AOAH: variants seen among roughly 807,000 people sequenced by gnomAD.
AOAH encodes acyloxyacyl hydrolase (neutrophil).
A neutral mutation model predicts 92.2 loss-of-function variants in AOAH; 64 were observed. The ratio of observed to expected loss-of-function variants is 0.69; its 90% CI spans 0.57 to 0.86. The LOEUF (loss-of-function observed/expected upper bound fraction) is 0.86, where lower values mean the gene tolerates loss of function less well. AOAH is among the 40% of genes least tolerant of loss of function. The pLI is 0.00. For synonymous variants in AOAH, 263 were observed against 254.5 expected (o/e 1.03, Z -0.32); for missense variants, 656 against 694.6 (o/e 0.94, Z 0.62).
chr7:36,594,223 G>A, intron 12 of AOAH, 116 bp downstream of exon 12: 1 of 803,532 alleles, frequency 1.2e-6, no homozygotes, highest in Non-Finnish European at 2.1e-6. Flanking sequence ...TCAAATTCAT[G>A]TTCTAGAAGC....
intron 11 of AOAH, among the ~76,000 whole-genome samples, chr7:36,605,508 C>T (rs1369771716): frequency 6.6e-6 from 1 of 152,212 alleles, no homozygotes; most frequent in Non-Finnish European, 1.5e-5. Flanking sequence ...CATTGACTGA[C>T]TCACACTGCC....
At chr7:36,561,862 C>A (rs1446452474) in intron 13 of AOAH, among the ~76,000 whole-genome samples, 1 of 152,108 alleles carries the variant, frequency 6.6e-6, no homozygotes, top group Admixed American at 6.5e-5. Context: ...GCCACATGAG[C>A]ATCCCTTCCT....
intron 13 of AOAH, among the ~76,000 whole-genome samples, chr7:36,550,603 A>G (rs1389089906): frequency 6.6e-6 from 1 of 152,148 alleles, no homozygotes; most frequent in Non-Finnish European, 1.5e-5. Flanking sequence ...CTTCCTGTGG[A>G]CAGTGCTCCT....
intron 15 of AOAH, among the ~76,000 whole-genome samples, chr7:36,545,023 T>A (rs1006348331): frequency 6.6e-6 from 1 of 151,846 alleles, no homozygotes; most frequent in East Asian, 1.9e-4. Flanking sequence ...ATTGTTGGGC[T>A]CCCATCCAAT....
chr7:36,653,722 T>TGATTCTCTTGTAA (rs1274440651), intron 4 of AOAH, among the ~76,000 whole-genome samples: 1 of 152,234 alleles, frequency 6.6e-6, no homozygotes, highest in Non-Finnish European at 1.5e-5. Flanking sequence ...ATTCTGAATA[T>TGATTCTCTTGTAA]GATTCTCTTT....
At chr7:36,621,578 T>C (rs1583965895) in intron 8 of AOAH, 132 bp downstream of exon 8, 1 of 894,106 alleles carries the variant, frequency 1.1e-6, no homozygotes, top group South Asian at 1.5e-5. Context: ...TCACTGAGCT[T>C]TACTTCAATC....
chr7:36,569,428 C>T (rs1373183290), intron 13 of AOAH, among the ~76,000 whole-genome samples: 1 of 152,004 alleles, frequency 6.6e-6, no homozygotes, highest in African/African-American at 2.4e-5. Context: ...GTCTTGTTTA[C>T]TTTAGAGGTA....
chr7:36,550,997 AT>A, intron 13 of AOAH, among the ~76,000 whole-genome samples: 1 of 151,874 alleles, frequency 6.6e-6, no homozygotes, highest in Admixed American at 6.6e-5. Context: ...CTCTTGGTTG[AT>A]TCAGGAAATG....
At chr7:36,666,174 G>A (rs13244161) in intron 3 of AOAH, among the ~76,000 whole-genome samples, 27,519 of 151,918 alleles carry the variant, frequency 0.18, 2,878 homozygotes, top group Non-Finnish European at 0.24. Flanking sequence ...ATCTATCAGG[G>A]CTTCGTGTTT....
At chr7:36,590,617 A>C (rs1202906260) in intron 12 of AOAH, among the ~76,000 whole-genome samples, 1 of 152,258 alleles carries the variant, frequency 6.6e-6, no homozygotes, top group African/African-American at 2.4e-5. Context: ...TGATGCTTTC[A>C]CAAGGCACAT....
In AOAH at chr7:36,527,683, A is replaced by G. The variant is rs1002103588; in HGVS notation, c.1522+2735T>C. On this transcript the variant is annotated intron_variant, in intron 19 of 20. Transcript: ENST00000617537. ...TACGTGGGTTAGTTATTTCTATCCT[A>G]CATACAAGGAAACAAAGGCTGGGTG... Among the ~76,000 whole-genome samples the G allele has an allele frequency of 3.3e-5, 5 of 152,194 alleles. No individual in the cohort carries two copies. The South Asian group carries it at 8.3e-4, about 25-fold the overall frequency.
chr7:36,613,109 A>G (rs886627982), intron 11 of AOAH, among the ~76,000 whole-genome samples: 2 of 152,154 alleles, frequency 1.3e-5, no homozygotes, highest in African/African-American at 4.8e-5. Context: ...CTGGGAAGGC[A>G]TATGTCTGGT....
chr7:36,669,783 T>G (rs1381098254), intron 3 of AOAH, among the ~76,000 whole-genome samples: 1 of 152,234 alleles, frequency 6.6e-6, no homozygotes, highest in African/African-American at 2.4e-5. Context: ...TTCTTAAAAC[T>G]GTTAGTAGTT....
intron 1 of AOAH, among the ~76,000 whole-genome samples, chr7:36,701,315 G>A (rs1798017949): frequency 6.6e-6 from 1 of 151,808 alleles, no homozygotes; most frequent in Non-Finnish European, 1.5e-5. Context: ...GGTTATTCAG[G>A]TCTTCTGTAT....
At chr7:36,637,725 C>A in intron 5 of AOAH, 126 bp downstream of exon 5, 2 of 812,416 alleles carry the variant, frequency 2.5e-6, no homozygotes, top group East Asian at 2.6e-5. Flanking sequence ...CTTCCATCCC[C>A]ACGTAGCTAT....
At chr7:36,560,082 A>G (rs1392337579) in intron 13 of AOAH, among the ~76,000 whole-genome samples, 1 of 152,064 alleles carries the variant, frequency 6.6e-6, no homozygotes, top group African/African-American at 2.4e-5. Flanking sequence ...GTTCTGTACC[A>G]TTGGTCTGTG....
At chr7:36,701,516 T>G (rs541774997) in intron 1 of AOAH, among the ~76,000 whole-genome samples, 1 of 151,022 alleles carries the variant, frequency 6.6e-6, no homozygotes, top group East Asian at 1.9e-4. Context: ...ATTTCTTACC[T>G]GATATAATAG....
intron 20 of AOAH, among the ~76,000 whole-genome samples, chr7:36,520,006 G>A (rs1784030773): frequency 6.6e-6 from 1 of 152,210 alleles, no homozygotes; most frequent in Non-Finnish European, 1.5e-5. Context: ...TAAATAGGCA[G>A]GCTTTAGGCC....
At chr7:36,517,597 C>CTTTT (rs70977159) in intron 20 of AOAH, among the ~76,000 whole-genome samples, 16 of 89,586 alleles carry the variant, frequency 1.8e-4, no homozygotes, top group East Asian at 3.3e-4. Context: ...GACTTTATAT[C>CTTTT]TTTTTTTTTT....
Sources: gnomAD v4.1 joint callset for allele counts (sites outside exome capture counted in the v4.1 genomes callset) on GRCh38, gnomAD v4.1.1 for gene constraint, MANE v1.5 for transcripts, NCBI Gene and HGNC (gene_info 2026-07-23, HGNC 2026-07-21) for gene names.